CADM1: variants seen among roughly 807,000 people sequenced by gnomAD.
CADM1 encodes cell adhesion molecule 1.
CADM1 carries 15 observed loss-of-function variants against 53.1 expected under a neutral mutation model. The ratio of observed to expected loss-of-function variants is 0.28; its 90% CI spans 0.19 to 0.44. CADM1 has a LOEUF of 0.44. Among genes scored for constraint, CADM1 ranks in the 20% least tolerant of loss-of-function variants. CADM1 has a pLI of 1.00. For synonymous variants in CADM1, 281 were observed against 243.0 expected (o/e 1.16, Z -1.45); for missense variants, 434 against 611.3 (o/e 0.71, Z 3.06).
At chr11:115,354,712 A>G (rs1393441611) in intron 1 of CADM1, among the ~76,000 whole-genome samples, 1 of 152,198 alleles carries the variant, frequency 6.6e-6, no homozygotes. Flanking sequence ...TATCACATAT[A>G]TCTCTGAAAA....
At chr11:115,283,337 C>T (rs1178482388) in intron 1 of CADM1, among the ~76,000 whole-genome samples, 1 of 152,118 alleles carries the variant, frequency 6.6e-6, no homozygotes, top group Non-Finnish European at 1.5e-5. Flanking sequence ...TGTTGCTGCC[C>T]AAGAACCCAG....
intron 1 of CADM1, among the ~76,000 whole-genome samples, chr11:115,441,630 G>A (rs1457937369): frequency 6.6e-6 from 1 of 152,146 alleles, no homozygotes; most frequent in Non-Finnish European, 1.5e-5. Context: ...GCAAGGTACT[G>A]ACTTACTCAC....
At chr11:115,349,606 C>T (rs909609233) in intron 1 of CADM1, among the ~76,000 whole-genome samples, 1 of 152,168 alleles carries the variant, frequency 6.6e-6, no homozygotes, top group Admixed American at 6.5e-5. Flanking sequence ...ACTTTCATTC[C>T]GAAGCCAGAT....
chr11:115,275,229 C>A (rs1943411705), intron 1 of CADM1, among the ~76,000 whole-genome samples: 1 of 152,154 alleles, frequency 6.6e-6, no homozygotes, highest in Admixed American at 6.5e-5. Context: ...GTCCTCTCAC[C>A]CATGTCCTCC....
At chr11:115,182,087 T>C (rs1591580420) in intron 10 of CADM1, among the ~76,000 whole-genome samples, 1 of 152,234 alleles carries the variant, frequency 6.6e-6, no homozygotes, top group Non-Finnish European at 1.5e-5. Context: ...CCACAGATCC[T>C]GGTCCTGCAG....
chr11:115,469,777 T>G (rs1948972657), intron 1 of CADM1, among the ~76,000 whole-genome samples: 3 of 147,984 alleles, frequency 2.0e-5, no homozygotes, highest in Non-Finnish European at 4.4e-5. Flanking sequence ...GTTCAAGAGA[T>G]TCTCCTGCCT....
intron 1 of CADM1, among the ~76,000 whole-genome samples, chr11:115,271,427 C>G (rs544388610): frequency 6.6e-6 from 1 of 152,096 alleles, no homozygotes; most frequent in South Asian, 2.1e-4. Context: ...GGACTACAGG[C>G]GCCTACAACC....
At chr11:115,284,795 T>G (rs1432657364) in intron 1 of CADM1, among the ~76,000 whole-genome samples, 1 of 152,212 alleles carries the variant, frequency 6.6e-6, no homozygotes, top group South Asian at 2.1e-4. Context: ...ATTTTTGATT[T>G]TTAAAGGAGT....
At chr11:115,314,779 C>T (rs1352200700) in intron 1 of CADM1, among the ~76,000 whole-genome samples, 2 of 152,144 alleles carry the variant, frequency 1.3e-5, no homozygotes, top group Non-Finnish European at 2.9e-5. Context: ...CATTCACAAA[C>T]CCTGCCAGCA....
At chr11:115,228,799 A>T (rs2134840859) in intron 5 of CADM1, among the ~76,000 whole-genome samples, 1 of 152,266 alleles carries the variant, frequency 6.6e-6, no homozygotes, top group East Asian at 1.9e-4. Flanking sequence ...AAAAGGGGGA[A>T]AATTACCCTA....
chr11:115,318,200 T>C (rs1030035872), intron 1 of CADM1, among the ~76,000 whole-genome samples: 1 of 152,202 alleles, frequency 6.6e-6, no homozygotes, highest in African/African-American at 2.4e-5. Context: ...TAGAAATGCA[T>C]CAATTCCCTT....
chr11:115,225,989 C>G (rs1016562582), intron 5 of CADM1, among the ~76,000 whole-genome samples: 1 of 151,836 alleles, frequency 6.6e-6, no homozygotes, highest in East Asian at 1.9e-4. Flanking sequence ...CCAATAGTAT[C>G]AGATTAGATT....
At chr11:115,423,322 G>C (rs1318480755) in intron 1 of CADM1, among the ~76,000 whole-genome samples, 2 of 152,082 alleles carry the variant, frequency 1.3e-5, no homozygotes, top group South Asian at 2.1e-4. Flanking sequence ...TCAACTAAGT[G>C]CTTTTAACAT....
chr11:115,372,695 T>C (rs1033153457), intron 1 of CADM1, among the ~76,000 whole-genome samples: 1 of 152,236 alleles, frequency 6.6e-6, no homozygotes, highest in African/African-American at 2.4e-5. Context: ...TTTTCACCTA[T>C]TATCAATACA....
chr11:115,429,627 A>G (rs1307201139), intron 1 of CADM1, among the ~76,000 whole-genome samples: 1 of 152,146 alleles, frequency 6.6e-6, no homozygotes, highest in African/African-American at 2.4e-5. Flanking sequence ...CATTTATTTA[A>G]GTAACATTGA....
At chr11:115,336,292 A>T (rs1945265445) in intron 1 of CADM1, among the ~76,000 whole-genome samples, 1 of 152,078 alleles carries the variant, frequency 6.6e-6, no homozygotes, top group Admixed American at 6.6e-5. Flanking sequence ...CAACACACCC[A>T]AAAAAGGCAA....
intron 1 of CADM1, among the ~76,000 whole-genome samples, chr11:115,431,643 G>C (rs188864513): frequency 1.9e-4 from 29 of 152,162 alleles, no homozygotes. Flanking sequence ...TCTCTGCCCA[G>C]ATCTCTGACT....
intron 1 of CADM1, among the ~76,000 whole-genome samples, chr11:115,332,012 C>T (rs1218743243): frequency 1.3e-5 from 2 of 151,902 alleles, no homozygotes; most frequent in African/African-American, 4.8e-5. Context: ...CTAACAATGC[C>T]CAGGTGCCTG....
chr11:115,208,365 GGC>G (rs1940795798), intron 8 of CADM1, among the ~76,000 whole-genome samples: 1 of 152,128 alleles, frequency 6.6e-6, no homozygotes, highest in Non-Finnish European at 1.5e-5. Context: ...CAACTGATGA[GGC>G]CTCCTCTTTC....
Sources: allele counts gnomAD v4.1 joint callset (sites outside exome capture counted in the v4.1 genomes callset), GRCh38; gene constraint gnomAD v4.1.1; transcripts MANE v1.5; gene names NCBI Gene and HGNC (gene_info 2026-07-23, HGNC 2026-07-21).